The following PLAAT3 variants were observed in gnomAD, a reference collection of about 807,000 sequenced individuals.
PLAAT3 encodes the protein phospholipase A and acyltransferase 3, also known as Ca-independent phospholipase A1/2.
A neutral mutation model predicts 16.7 loss-of-function variants in PLAAT3; 21 were observed. The ratio of observed to expected loss-of-function variants is 1.26; its 90% confidence interval spans 0.89 to 1.81. PLAAT3 has a LOEUF of 1.81. PLAAT3 is among the 40% of genes most tolerant of loss of function. The probability of loss-of-function intolerance (pLI) is 0.00; values close to 1 mark genes in which losing one functional copy is unlikely to be tolerated. For missense variants in PLAAT3, 219 were observed against 213.7 expected, an observed-to-expected ratio of 1.02 and a Z score of -0.16; for synonymous variants, 76 against 81.7, an observed-to-expected ratio of 0.93 and a Z score of 0.38.
At chr11:63,602,262 C>T (rs1249800512) in intron 2 of PLAAT3, among the ~76,000 whole-genome samples, 3 of 146,404 alleles carry the variant, frequency 2.0e-5, no homozygotes, top group African/African-American at 7.6e-5. Flanking sequence ...TGCCCTCCAG[C>T]CTGGGTGACA....
At chr11:63,601,325 A>G (rs1938423459) in intron 2 of PLAAT3, among the ~76,000 whole-genome samples, 1 of 150,930 alleles carries the variant, frequency 6.6e-6, no homozygotes. Flanking sequence ...GTGAGACTCC[A>G]TCTCAAAAAA....
chr11:63,591,052 C>A (rs543042626), intron 3 of PLAAT3, among the ~76,000 whole-genome samples: 13 of 152,208 alleles, frequency 8.5e-5, no homozygotes, highest in African/African-American at 3.1e-4. Context: ...ACCTGTGTGG[C>A]GCAGGGAGAG....
chr11:63,592,321 C>G lies in PLAAT3; in HGVS notation c.119-1953G>C, dbSNP rs911176332. On this transcript the variant is annotated intron_variant, in intron 3 of 4. Transcript: ENST00000415826. ...AGCTGGGACTACAGGTGTGCACCAC[C>G]ATGCCCAGCTAATTTTTATATTTTC... Among the ~76,000 whole-genome samples the G allele has an allele frequency of 1.4e-4, 21 of 152,222 alleles. 1 individual carries two copies. The highest frequency in any genetic ancestry group is 1.0e-3 in the Admixed American group (16 of 15,286).
At chr11:63,575,083 A>C (rs760913771) in intron 4 of PLAAT3, 37 bp from the exon 5 acceptor site, 1 of 1,350,262 alleles carries the variant, frequency 7.4e-7, no homozygotes, top group Non-Finnish European at 1.1e-6. Context: ...ACTCTGTGTC[A>C]GGATCCAGAG....
chr11:63,594,008 C>G (rs1402980797), intron 3 of PLAAT3, among the ~76,000 whole-genome samples: 1 of 152,190 alleles, frequency 6.6e-6, no homozygotes, highest in Non-Finnish European at 1.5e-5. Context: ...TTGCTCATAC[C>G]AGGGCGCTGC....
intron 2 of PLAAT3, among the ~76,000 whole-genome samples, chr11:63,600,303 CAG>C (rs1275012099): frequency 4.6e-5 from 7 of 152,048 alleles, no homozygotes; most frequent in Non-Finnish European, 1.0e-4. Flanking sequence ...TTTTTTAAAA[CAG>C]AAGTTATTAC....
Position 63,574,894 on chromosome 11 carries a change from C to T in PLAAT3, c.*51G>A. ...CCAAACCCCAAACTCTCTAGCAAAA[C>T]AAGACCCCCTTGATGTATAAAGTCA... is the stretch of plus-strand genomic sequence containing the variant. On this transcript the variant is annotated 3_prime_UTR_variant, in exon 5 of 5. Transcript: ENST00000415826. 9.2e-7 allele frequency: 1 copy of T among 1,086,170 alleles called. No individual in the cohort carries two copies. Among genetic ancestry groups the T allele is most frequent in the South Asian group, 1.3e-5 (1 of 79,876 alleles). The allele number at this position is 1,086,170 out of a possible 1,614,324, so 67.3% of individuals were successfully genotyped here.
chr11:63,593,108 C>A (rs140179778), intron 3 of PLAAT3, among the ~76,000 whole-genome samples: 37 of 152,206 alleles, frequency 2.4e-4, no homozygotes, highest in Non-Finnish European at 7.3e-5. Flanking sequence ...TACTGGGTGC[C>A]GGGCCTTGTC....
chr11:63,615,322 GTGTGTA>G (rs1938840802), upstream of PLAAT3, among the ~76,000 whole-genome samples: 2 of 11,058 alleles, frequency 1.8e-4, 1 homozygote, highest in African/African-American at 2.5e-4. Context: ...GTGTATATAT[GTGTGTA>G]TATATGTGTG....
intron 2 of PLAAT3, among the ~76,000 whole-genome samples, chr11:63,613,746 A>G (rs1393992365): frequency 6.6e-6 from 1 of 152,118 alleles, no homozygotes; most frequent in Non-Finnish European, 1.5e-5. Flanking sequence ...CTCCCTCCTG[A>G]GGGTCCCGCC....
At chr11:63,611,785 C>T (rs1938698493) in intron 2 of PLAAT3, among the ~76,000 whole-genome samples, 1 of 152,248 alleles carries the variant, frequency 6.6e-6, no homozygotes, top group South Asian at 2.1e-4. Context: ...CACTATCACT[C>T]AGCCATTTTC....
At position 63,574,697 on chromosome 11, in the gene PLAAT3, A is replaced by G. The variant is rs145784902; in HGVS notation, c.*248T>C. 1,166 of 493,602 alleles carry G rather than the reference A, an allele frequency of 2.4e-3. 15 individuals are homozygous for G. Among genetic ancestry groups the G allele is most frequent in the African/African-American group, 0.021 (1,090 of 51,158 alleles). The allele number at this position is 493,602 out of a possible 1,614,324, so 30.6% of individuals were successfully genotyped here. On this transcript the variant is annotated 3_prime_UTR_variant, in exon 5 of 5. Coordinates refer to ENST00000415826, the MANE Select transcript of PLAAT3 (RefSeq NM_001128203.2). ...CTGCAATGCAAAGAACACAGCACGC[A>G]AAAAGAAAGTGAAAGACAATCCCTG...
intron 4 of PLAAT3, among the ~76,000 whole-genome samples, chr11:63,586,883 A>G (rs1337853198): frequency 2.6e-5 from 4 of 152,246 alleles, no homozygotes; most frequent in African/African-American, 9.6e-5. Flanking sequence ...CAGGAGTTCC[A>G]GACCAGCCTG....
chr11:63,615,406 A>ATATGTGTGTATATG (rs1565260281), upstream of PLAAT3, among the ~76,000 whole-genome samples: 1 of 7,376 alleles, frequency 1.4e-4, no homozygotes, highest in African/African-American at 1.4e-4. Flanking sequence ...ATGTGTGTAT[A>ATATGTGTGTATATG]TGTGTGTGTG....
chr11:63,613,963 C>T (rs759933433), intron 2 of PLAAT3, 37 bp downstream of exon 2: 4 of 1,272,516 alleles, frequency 3.1e-6, no homozygotes, highest in Non-Finnish European at 4.6e-6. Flanking sequence ...ACAGGGGGCT[C>T]CCAGCCCCGC....
chr11:63,594,266 G>T (rs1214307372), intron 3 of PLAAT3, among the ~76,000 whole-genome samples: 1 of 152,198 alleles, frequency 6.6e-6, no homozygotes, highest in Non-Finnish European at 1.5e-5. Flanking sequence ...AGCTGAAGGG[G>T]GATGTAAATT....
chr11:63,602,037 C>T (rs891412519), intron 2 of PLAAT3, among the ~76,000 whole-genome samples: 9 of 149,316 alleles, frequency 6.0e-5, no homozygotes, highest in African/African-American at 2.0e-4. Context: ...CCTGTAATCT[C>T]AGCACTTTGG....
At chr11:63,588,732 C>T (rs1473886030) in intron 4 of PLAAT3, among the ~76,000 whole-genome samples, 1 of 152,074 alleles carries the variant, frequency 6.6e-6, no homozygotes, top group Non-Finnish European at 1.5e-5. Context: ...AGTTGTTGAA[C>T]ATGAATAACC....
intron 2 of PLAAT3, among the ~76,000 whole-genome samples, chr11:63,611,232 G>A (rs376226556): frequency 7.2e-5 from 11 of 152,018 alleles, no homozygotes; most frequent in African/African-American, 2.4e-5. Context: ...TTGGCCTCTC[G>A]AAGTGCTGCA....
Sources: gnomAD v4.1 joint callset for allele counts (sites outside exome capture counted in the v4.1 genomes callset) on GRCh38, gnomAD v4.1.1 for gene constraint, MANE v1.5 for transcripts, NCBI Gene and HGNC (gene_info 2026-07-23, HGNC 2026-07-21) for gene names.